Variants in MYMX observed in about 807,000 individuals in gnomAD.
MYMX encodes myomixer, myoblast fusion factor.
chr6:44,203,740 TACA>T, the MYMX span, among the ~76,000 whole-genome samples: 11 of 152,320 alleles, frequency 7.2e-5, no homozygotes, highest in Non-Finnish European at 1.6e-4. Flanking sequence ...TCACATTTCT[TACA>T]ACAATTTTTA....
the MYMX span, among the ~76,000 whole-genome samples, chr6:44,206,453 A>C: frequency 6.6e-6 from 1 of 152,042 alleles, no homozygotes; most frequent in South Asian, 2.1e-4. Context: ...GCTGGTCTAA[A>C]ACTCCTGGCC....
At chr6:44,211,205 T>C in the MYMX span, among the ~76,000 whole-genome samples, 1 of 152,214 alleles carries the variant, frequency 6.6e-6, no homozygotes, top group Non-Finnish European at 1.5e-5. Flanking sequence ...CTGTAACAGT[T>C]TGTAACTGCT....
At chr6:44,208,258 A>AAAAAG in the MYMX span, among the ~76,000 whole-genome samples, 1 of 151,532 alleles carries the variant, frequency 6.6e-6, no homozygotes, top group African/African-American at 2.4e-5. Context: ...AAAAAAAAAA[A>AAAAAG]AAAGAAAGAA....
chr6:44,194,698 A>G, the MYMX span, among the ~76,000 whole-genome samples: 1 of 152,196 alleles, frequency 6.6e-6, no homozygotes, highest in Admixed American at 6.5e-5. Context: ...GCTGGAAGCA[A>G]GAGGCCTGCC....
chr6:44,199,420 ACTC>A, the MYMX span, among the ~76,000 whole-genome samples: 2 of 151,372 alleles, frequency 1.3e-5, no homozygotes, highest in Non-Finnish European at 2.9e-5. Context: ...CTGATCTCGA[ACTC>A]CTCGGCTCAA....
chr6:44,202,276 T>G, the MYMX span, among the ~76,000 whole-genome samples: 15 of 152,136 alleles, frequency 9.9e-5, no homozygotes, highest in Middle Eastern at 6.8e-3. Context: ...TTGTCATGTC[T>G]GGCCCGATTA....
the MYMX span, among the ~76,000 whole-genome samples, chr6:44,203,292 G>A: frequency 3.1e-4 from 47 of 152,256 alleles, no homozygotes; most frequent in Non-Finnish European, 1.2e-4. Flanking sequence ...TTTGGATCCT[G>A]CCACAGAACC....
At chr6:44,203,319 G>A in the MYMX span, among the ~76,000 whole-genome samples, 12 of 152,010 alleles carry the variant, frequency 7.9e-5, no homozygotes, top group Non-Finnish European at 1.6e-4. Flanking sequence ...TATTTGTTCC[G>A]TAAACCAAAA....
At chr6:44,214,717 C>T (rs1320492298), upstream of MYMX, among the ~76,000 whole-genome samples, 4 of 152,132 alleles carry the variant, frequency 2.6e-5, no homozygotes, top group Admixed American at 6.6e-5. Context: ...GGACTATAGG[C>T]GCATGCCAGC....
At chr6:44,210,719 G>A in the MYMX span, among the ~76,000 whole-genome samples, 2 of 152,202 alleles carry the variant, frequency 1.3e-5, no homozygotes, top group African/African-American at 4.8e-5. Context: ...TTCCCAACAA[G>A]ATAAAATACT....
chr6:44,212,631 C>T (rs1449899699), upstream of MYMX, among the ~76,000 whole-genome samples: 2 of 151,438 alleles, frequency 1.3e-5, no homozygotes, highest in African/African-American at 2.4e-5. Flanking sequence ...GGATATAGAA[C>T]ATTGGGAGAA....
the MYMX span, among the ~76,000 whole-genome samples, chr6:44,202,428 ATT>A: frequency 2.2e-5 from 3 of 137,524 alleles, no homozygotes; most frequent in East Asian, 2.1e-4. Flanking sequence ...TCCAGATACT[ATT>A]TTTTTTTTTT....
the MYMX span, among the ~76,000 whole-genome samples, chr6:44,203,167 A>G: frequency 1.3e-5 from 2 of 151,432 alleles, no homozygotes; most frequent in African/African-American, 4.9e-5. Context: ...TCCCCTCGAG[A>G]CTCTCTCCAG....
At chr6:44,216,100 C>T (rs946780958), upstream of MYMX, among the ~76,000 whole-genome samples, 3 of 152,308 alleles carry the variant, frequency 2.0e-5, no homozygotes, top group Admixed American at 6.5e-5. Flanking sequence ...ATAGACTGTG[C>T]CTCTACTTTT....
the MYMX span, among the ~76,000 whole-genome samples, chr6:44,197,775 C>A: frequency 6.6e-6 from 1 of 152,112 alleles, no homozygotes; most frequent in Non-Finnish European, 1.5e-5. Flanking sequence ...TTAATAAAGA[C>A]AGGGCCTCAC....
the MYMX span, among the ~76,000 whole-genome samples, chr6:44,208,911 A>G: frequency 8.5e-5 from 13 of 152,196 alleles, no homozygotes; most frequent in Non-Finnish European, 1.8e-4. Context: ...AATAGGCCCT[A>G]TGAACTAATC....
chr6:44,198,725 TA>T, the MYMX span, among the ~76,000 whole-genome samples: 1 of 150,464 alleles, frequency 6.6e-6, no homozygotes, highest in African/African-American at 2.5e-5. Flanking sequence ...TTTTTTTTTT[TA>T]AGTTTTGGTC....
chr6:44,207,074 T>C, the MYMX span, among the ~76,000 whole-genome samples: 73 of 152,306 alleles, frequency 4.8e-4, 1 homozygote, highest in African/African-American at 1.7e-3. Context: ...GATTAGCAGG[T>C]TAATGACTAC....
chr6:44,195,298 C>T, the MYMX span, among the ~76,000 whole-genome samples: 3 of 152,284 alleles, frequency 2.0e-5, no homozygotes, highest in African/African-American at 4.8e-5. Flanking sequence ...GGATTACAGG[C>T]ACAAGCTACC....
Sources: gnomAD v4.1 joint callset for allele counts (sites outside exome capture counted in the v4.1 genomes callset) on GRCh38, gnomAD v4.1.1 for gene constraint, MANE v1.5 for transcripts, NCBI Gene and HGNC (gene_info 2026-07-23, HGNC 2026-07-21) for gene names.